Variants in RNF150 observed in about 807,000 individuals in gnomAD.
RNF150 encodes the protein ring finger protein 150.
Under a neutral mutation model 39.3 loss-of-function variants are expected in RNF150, and 24 were observed. The ratio of observed to expected loss-of-function variants is 0.61; its 90% confidence interval spans 0.44 to 0.86. The LOEUF (loss-of-function observed/expected upper bound fraction) is 0.86, where lower values mean the gene tolerates loss of function less well. Ranked by LOEUF, RNF150 falls within the 40% of genes least tolerant of loss-of-function variation. The pLI is 0.00. For missense variants in RNF150, 502 were observed against 587.8 expected (o/e 0.85, Z 1.51); for synonymous variants, 255 against 227.3 (o/e 1.12, Z -1.10).
At chr4:141,114,624 A>G (rs1361952810) in intron 1 of RNF150, among the ~76,000 whole-genome samples, 2 of 152,188 alleles carry the variant, frequency 1.3e-5, no homozygotes, top group Non-Finnish European at 2.9e-5. Flanking sequence ...AGAAATAGAA[A>G]AAGAAGGACT....
At chr4:141,067,755 T>C (rs952829536) in intron 1 of RNF150, among the ~76,000 whole-genome samples, 1 of 152,282 alleles carries the variant, frequency 6.6e-6, no homozygotes, top group Middle Eastern at 3.4e-3. Context: ...ATTCCTATTT[T>C]TGAGTTCAAA....
At chr4:140,920,051 G>C (rs1202418133) in intron 5 of RNF150, among the ~76,000 whole-genome samples, 1 of 151,950 alleles carries the variant, frequency 6.6e-6, no homozygotes, top group Non-Finnish European at 1.5e-5. Flanking sequence ...ATGGATTAAA[G>C]ACTTAAACGT....
At chr4:141,193,244 C>T (rs1728144240) in intron 1 of RNF150, among the ~76,000 whole-genome samples, 1 of 152,234 alleles carries the variant, frequency 6.6e-6, no homozygotes, top group Non-Finnish European at 1.5e-5. Flanking sequence ...AATAAGCATT[C>T]AATAAATGTT....
At chr4:141,016,675 T>A (rs769093715) in intron 1 of RNF150, among the ~76,000 whole-genome samples, 6 of 152,204 alleles carry the variant, frequency 3.9e-5, no homozygotes, top group Non-Finnish European at 7.3e-5. Context: ...TGGACATTTC[T>A]CAATTTTTCA....
intron 4 of RNF150, among the ~76,000 whole-genome samples, chr4:140,928,269 C>T (rs896236183): frequency 6.6e-6 from 1 of 152,140 alleles, no homozygotes. Flanking sequence ...CGAGGAGGTG[C>T]TTATAACTGG....
intron 2 of RNF150, among the ~76,000 whole-genome samples, chr4:140,951,416 AAC>A (rs916632382): frequency 5.3e-5 from 8 of 152,268 alleles, no homozygotes; most frequent in African/African-American, 1.4e-4. Flanking sequence ...TGGTAATGAA[AAC>A]ACATGTGTGC....
chr4:141,205,264 C>A (rs1728355976), intron 1 of RNF150, among the ~76,000 whole-genome samples: 1 of 152,058 alleles, frequency 6.6e-6, no homozygotes. Flanking sequence ...TATTCACATA[C>A]AATGTTTATA....
At chr4:141,171,420 A>G (rs898645260) in intron 1 of RNF150, among the ~76,000 whole-genome samples, 2 of 151,558 alleles carry the variant, frequency 1.3e-5, no homozygotes, top group South Asian at 4.2e-4. Context: ...GTGTGTGTGC[A>G]CACACCCATG....
At chr4:141,063,712 T>C (rs891235906) in intron 1 of RNF150, among the ~76,000 whole-genome samples, 1 of 152,168 alleles carries the variant, frequency 6.6e-6, no homozygotes, top group Admixed American at 6.6e-5. Context: ...ATTTAGAACA[T>C]ACTACGCACA....
At chr4:140,908,006 G>A (rs1730455401) in intron 6 of RNF150, among the ~76,000 whole-genome samples, 1 of 152,142 alleles carries the variant, frequency 6.6e-6, no homozygotes, top group African/African-American at 2.4e-5. Flanking sequence ...ATGTGAGGAG[G>A]GGAAAGAATA....
chr4:140,958,936 A>G (rs1387480816), intron 2 of RNF150, among the ~76,000 whole-genome samples: 1 of 152,082 alleles, frequency 6.6e-6, no homozygotes, highest in Non-Finnish European at 1.5e-5. Context: ...TGTGGTTTGC[A>G]ACTTCTCTTT....
chr4:141,038,854 C>G (rs796409329), intron 1 of RNF150, among the ~76,000 whole-genome samples: 1 of 152,066 alleles, frequency 6.6e-6, no homozygotes, highest in African/African-American at 2.4e-5. Flanking sequence ...TCAAGTGAGG[C>G]CCCCTAATGC....
chr4:140,939,591 ATCCTC>A (rs1731996714), intron 4 of RNF150, among the ~76,000 whole-genome samples: 1 of 150,696 alleles, frequency 6.6e-6, no homozygotes, highest in Admixed American at 6.6e-5. Context: ...GCCAAGGCTG[ATCCTC>A]AAGTGGAGTT....
intron 2 of RNF150, among the ~76,000 whole-genome samples, chr4:140,956,946 A>C (rs1252614031): frequency 2.0e-5 from 3 of 151,212 alleles, no homozygotes; most frequent in African/African-American, 7.3e-5. Flanking sequence ...TAAAACCATA[A>C]AAACCCTAGA....
chr4:141,021,749 GAAACAGAT>G (rs1480370871), intron 1 of RNF150, among the ~76,000 whole-genome samples: 12 of 152,164 alleles, frequency 7.9e-5, no homozygotes, highest in African/African-American at 1.7e-4. Flanking sequence ...GGCCCTTGAG[GAAACAGAT>G]GTGTCCCATT....
At chr4:141,033,329 A>G (rs1244942300) in intron 1 of RNF150, among the ~76,000 whole-genome samples, 1 of 152,194 alleles carries the variant, frequency 6.6e-6, no homozygotes, top group Non-Finnish European at 1.5e-5. Flanking sequence ...AAGTTTTATC[A>G]GGAGATTGTA....
chr4:140,864,387 C>A lies in RNF150; in HGVS notation c.*3874G>T, dbSNP rs1396948377. 1 of 152,194 alleles carries A rather than the reference C, an allele frequency of 6.6e-6. No individual in the cohort carries two copies. Among genetic ancestry groups the A allele is most frequent in the African/African-American group, 2.4e-5 (1 of 41,448 alleles). 9.4% of individuals were successfully genotyped at this position (152,194 alleles called of 1,614,324 possible). On this transcript the variant is annotated 3_prime_UTR_variant, in exon 7 of 7. Coordinates refer to ENST00000515673, the MANE Select transcript of RNF150 (RefSeq NM_020724.2). ...CTAGCCACATAGGAGGTAGCAGTTC[C>A]TAAAGGTGACCCTAAATTATTTTGA... is the stretch of plus-strand genomic sequence containing the variant.
intron 4 of RNF150, among the ~76,000 whole-genome samples, chr4:140,942,324 G>C (rs1732120738): frequency 6.6e-6 from 1 of 152,188 alleles, no homozygotes; most frequent in African/African-American, 2.4e-5. Flanking sequence ...GCCAGTGATG[G>C]AGCCCGCCTC....
chr4:141,034,271 T>C (rs768184280), intron 1 of RNF150, among the ~76,000 whole-genome samples: 1 of 152,220 alleles, frequency 6.6e-6, no homozygotes, highest in East Asian at 1.9e-4. Flanking sequence ...TAGCCTCTGC[T>C]AGCTTCAAAC....
Sources: allele counts gnomAD v4.1 joint callset (sites outside exome capture counted in the v4.1 genomes callset), GRCh38; gene constraint gnomAD v4.1.1; transcripts MANE v1.5; gene names NCBI Gene and HGNC (gene_info 2026-07-23, HGNC 2026-07-21).